Variants in FXYD5 observed in about 807,000 individuals in gnomAD.
FXYD5 encodes the protein FXYD domain-containing ion transport regulator 5.
In FXYD5, 21 loss-of-function variants were observed where a neutral mutation model predicts 25.7. That is an observed-to-expected ratio of 0.82 (90% CI 0.58 to 1.18). The LOEUF is 1.18. Ranked by LOEUF, FXYD5 falls within the 50% of genes most tolerant of loss-of-function variation. The probability of loss-of-function intolerance (pLI) is 0.00; values close to 1 mark genes in which losing one functional copy is unlikely to be tolerated. For missense variants in FXYD5, 229 were observed against 227.7 expected (o/e 1.01, Z -0.04); for synonymous variants, 101 against 90.7 (o/e 1.11, Z -0.64).
chr19:35,158,509 G>A, intron 4 of FXYD5, 109 bp downstream of exon 4: 1 of 714,356 alleles, frequency 1.4e-6, no homozygotes, highest in Non-Finnish European at 2.6e-6. Flanking sequence ...CCTACTCCCA[G>A]CTCTGAATGC....
intron 2 of FXYD5, among the ~76,000 whole-genome samples, chr19:35,156,123 C>G (rs1160148215): frequency 6.6e-6 from 1 of 152,128 alleles, no homozygotes; most frequent in Non-Finnish European, 1.5e-5. Context: ...TAGGCTTTGC[C>G]TCTGACAGTC....
chr19:35,155,280 C>T (rs960768779), intron 1 of FXYD5: 4 of 545,454 alleles, frequency 7.3e-6, no homozygotes, highest in African/African-American at 5.7e-5. Flanking sequence ...CAGGAGTGCC[C>T]GCCGGCCCTT....
In FXYD5 at chr19:35,169,612, G is replaced by A. The variant is rs139275772; in HGVS notation, c.534G>A (p.Arg178=). 5.2e-5 allele frequency: 83 copies of A among 1,606,684 alleles called. No homozygotes were observed. The highest frequency in any genetic ancestry group is 5.7e-5 in the Non-Finnish European group (67 of 1,173,322). Residue 178 remains arginine, a synonymous_variant, in exon 9 of 9, where the codon AGG becomes AGA. Coordinates refer to ENST00000392219, the MANE Select transcript of FXYD5 (RefSeq NM_014164.6). ...CCCGGTTATGCCGGAATCGTTGCAGGTGAGTCCATCAGAAACAGGAGCTGA... is the reference window on the plus strand; with the variant it reads ...CCCGGTTATGCCGGAATCGTTGCAGATGAGTCCATCAGAAACAGGAGCTGA... ...QLSRLCRNRC[R]
At chr19:35,166,575 T>G (rs2145429391) in intron 8 of FXYD5, 1 of 457,006 alleles carries the variant, frequency 2.2e-6, no homozygotes, top group Non-Finnish European at 3.8e-6. Flanking sequence ...GGATTTACTC[T>G]TGCATCTGAG....
chr19:35,161,598 C>T (rs1341005355), intron 5 of FXYD5, among the ~76,000 whole-genome samples: 1 of 152,230 alleles, frequency 6.6e-6, no homozygotes, highest in Non-Finnish European at 1.5e-5. Context: ...GTGCCCCACC[C>T]TGGGGCTAGA....
intron 2 of FXYD5, chr19:35,156,951 GAGTTA>G: frequency 6.4e-6 from 1 of 156,066 alleles, no homozygotes; most frequent in Admixed American, 6.4e-5. Context: ...GGGGGCAGTG[GAGTTA>G]TCCAGCACTG....
chr19:35,168,628 C>G (rs1029380688), intron 8 of FXYD5, among the ~76,000 whole-genome samples: 5 of 152,144 alleles, frequency 3.3e-5, no homozygotes, highest in Non-Finnish European at 7.3e-5. Flanking sequence ...GTTCCCCCTC[C>G]CTCACTCTGG....
chr19:35,166,082 C>T, intron 6 of FXYD5, 60 bp from the exon 7 acceptor site: 1 of 1,543,848 alleles, frequency 6.5e-7, no homozygotes, highest in Non-Finnish European at 8.9e-7. Flanking sequence ...CTTTGCCATT[C>T]ACGTATTCAC....
rs1482055185 is a variant in FXYD5, at chr19:35,166,235, A to G, written c.413-16A>G. 1 of 1,612,026 alleles carries G rather than the reference A, an allele frequency of 6.2e-7. No homozygotes were observed. Among genetic ancestry groups the G allele is most frequent in the African/African-American group, 1.3e-5 (1 of 74,790 alleles). Reference sequence around the variant, plus strand: ...GAGGTCCGTCTGACTCTACCCCTTCATTTTTCTCTCTGCAGATGAACACAC... The same window carrying G: ...GAGGTCCGTCTGACTCTACCCCTTCGTTTTTCTCTCTGCAGATGAACACAC... On this transcript the variant is annotated splice_polypyrimidine_tract_variant and intron_variant, in intron 7 of 8. Coordinates refer to ENST00000392219, the MANE Select transcript of FXYD5 (RefSeq NM_014164.6).
chr19:35,155,278 C>T, intron 1 of FXYD5: 1 of 540,124 alleles, frequency 1.9e-6, no homozygotes, highest in Non-Finnish European at 3.3e-6. Context: ...TTCAGGAGTG[C>T]CCGCCGGCCC....
intron 4 of FXYD5, among the ~76,000 whole-genome samples, chr19:35,159,343 A>G (rs901443903): frequency 1.3e-5 from 2 of 152,168 alleles, no homozygotes; most frequent in African/African-American, 4.8e-5. Context: ...TCCCATGTAT[A>G]TTACTTGGAG....
intron 8 of FXYD5, among the ~76,000 whole-genome samples, chr19:35,168,630 TCACTC>T (rs769586187): frequency 6.6e-6 from 1 of 152,150 alleles, no homozygotes; most frequent in Non-Finnish European, 1.5e-5. Flanking sequence ...TCCCCCTCCC[TCACTC>T]TGGAGCAGCC....
chr19:35,164,130 C>G (rs957250728), intron 5 of FXYD5, 26 bp from the exon 6 acceptor site: 2 of 1,613,838 alleles, frequency 1.2e-6, no homozygotes. Flanking sequence ...CACTCCTGCC[C>G]TCCACTGATC....
At chr19:35,160,663 G>A (rs764873041) in intron 4 of FXYD5, 46 bp from the exon 5 acceptor site, 1 of 1,332,628 alleles carries the variant, frequency 7.5e-7, no homozygotes, top group Non-Finnish European at 1.1e-6. Context: ...TCTTTCCCCA[G>A]TGACTCTTTC....
intron 4 of FXYD5, chr19:35,159,888 C>G: frequency 2.4e-6 from 1 of 420,238 alleles, no homozygotes; most frequent in South Asian, 3.7e-5. Flanking sequence ...GGGCAAAGGA[C>G]ATGCATGCTT....
In FXYD5 at chr19:35,169,879, T is replaced by G. The variant is rs929498451; in HGVS notation, c.*264T>G. On this transcript the variant is annotated 3_prime_UTR_variant, in exon 9 of 9. Transcript: ENST00000392219. Reference sequence around the variant, plus strand: ...ACAAAAAGTAAAGCACTGTGGTCTTTGCCCCAGGATCTCTGATCATTTGGG... The same window carrying G: ...ACAAAAAGTAAAGCACTGTGGTCTTGGCCCCAGGATCTCTGATCATTTGGG... The G allele has an allele frequency of 8.5e-5, 39 of 457,226 alleles. No individual in the cohort carries two copies. Among genetic ancestry groups the G allele is most frequent in the Non-Finnish European group, 1.4e-4 (36 of 249,588 alleles). 28.3% of individuals were successfully genotyped at this position (457,226 alleles called of 1,614,324 possible). A position where few individuals can be genotyped will look rare whatever the true frequency, so the allele number is the denominator to read the frequency against.
chr19:35,165,285 A>G (rs1016023461), intron 6 of FXYD5, among the ~76,000 whole-genome samples: 9 of 152,328 alleles, frequency 5.9e-5, no homozygotes, highest in Non-Finnish European at 1.2e-4. Context: ...TCTTCGTTAT[A>G]TGCTAAACAA....
rs61309039 is a variant in FXYD5, at chr19:35,161,248, A to ACACACACACACACACACACAC, written c.292+447_292+448insCACACACACACACACACACAC. Among the ~76,000 whole-genome samples, 503 of 142,924 alleles carry ACACACACACACACACACACAC rather than the reference A, an allele frequency of 3.5e-3. 17 individuals carry two copies. The highest frequency in any genetic ancestry group is 0.015 in the Admixed American group (208 of 14,174). 93.8% of individuals were successfully genotyped at this position (142,924 alleles called of 152,430 possible). On this transcript the variant is annotated intron_variant, in intron 5 of 8. Coordinates refer to ENST00000392219, the MANE Select transcript of FXYD5 (RefSeq NM_014164.6). ...CACACACACACACACACACACACAC[A>ACACACACACACACACACACAC]AAAGAATGATTGGCTATATAAGTTC... is the stretch of plus-strand genomic sequence containing the variant.
At chr19:35,158,318 C>A in intron 3 of FXYD5, 26 bp from the exon 4 acceptor site, 2 of 1,542,474 alleles carry the variant, frequency 1.3e-6, no homozygotes, top group South Asian at 2.2e-5. Flanking sequence ...CTTTTCTCTC[C>A]GTGACTCCTT....
Sources: gnomAD v4.1 joint callset for allele counts (sites outside exome capture counted in the v4.1 genomes callset) on GRCh38, gnomAD v4.1.1 for gene constraint, MANE v1.5 for transcripts, NCBI Gene and HGNC (gene_info 2026-07-23, HGNC 2026-07-21) for gene names.